PLAA: variants seen among roughly 807,000 people sequenced by gnomAD.
The protein encoded by PLAA is phospholipase A2 activating protein, also known as phospholipase A-2-activating protein.
A neutral mutation model predicts 84.1 loss-of-function variants in PLAA; 48 were observed. That is an observed-to-expected ratio of 0.57 (90% confidence interval 0.45 to 0.73). The LOEUF (loss-of-function observed/expected upper bound fraction) is 0.73, where lower values mean the gene tolerates loss of function less well. Among genes scored for constraint, PLAA ranks in the 30% least tolerant of loss-of-function variants. The probability of loss-of-function intolerance (pLI) is 0.00; values close to 1 mark genes in which losing one functional copy is unlikely to be tolerated. For synonymous variants in PLAA, 392 were observed against 336.6 expected, an observed-to-expected ratio of 1.16 and a Z score of -1.80; for missense variants, 903 against 954.7, an observed-to-expected ratio of 0.95 and a Z score of 0.71.
At chr9:26,911,328 T>C (rs1283232260) in intron 11 of PLAA, among the ~76,000 whole-genome samples, 1 of 152,182 alleles carries the variant, frequency 6.6e-6, no homozygotes, top group African/African-American at 2.4e-5. Flanking sequence ...AATTTTTGTA[T>C]TTTTAGTAGA....
At chr9:26,941,023 G>A (rs1015555007) in intron 1 of PLAA, among the ~76,000 whole-genome samples, 1 of 152,030 alleles carries the variant, frequency 6.6e-6, no homozygotes, top group African/African-American at 2.4e-5. Flanking sequence ...CTTCGGTAGT[G>A]GTCTGTGAAG....
chr9:26,905,002 A>G lies in PLAA; in HGVS notation c.*509T>C, dbSNP rs1428917298. 1 of 151,830 alleles carries G rather than the reference A, an allele frequency of 6.6e-6. No individual in the cohort carries two copies. 9.4% of individuals were successfully genotyped at this position (151,830 alleles called of 1,614,324 possible). On this transcript the variant is annotated 3_prime_UTR_variant, in exon 14 of 14. Coordinates refer to ENST00000397292, the MANE Select transcript of PLAA (RefSeq NM_001031689.3). ...ATGACAAATCAAGAAATTATCTTAT[A>G]TTGTTTTAATATATGAATTTATAAA...
In PLAA at chr9:26,905,502, T is replaced by G; in HGVS notation, c.*9A>C. 1 of 1,585,410 alleles carries G rather than the reference T, an allele frequency of 6.3e-7. No individual in the cohort carries two copies. The highest frequency in any genetic ancestry group is 8.6e-7 in the Non-Finnish European group (1 of 1,162,354). On this transcript the variant is annotated 3_prime_UTR_variant, in exon 14 of 14. Transcript: ENST00000397292. ...ATCAATTAAAAATATCCGTCCCTCT[T>G]CCCCACTGCTACAGCAAATTTAGGA...
chr9:26,918,956 T>C (rs1304527710), intron 9 of PLAA, among the ~76,000 whole-genome samples: 1 of 152,228 alleles, frequency 6.6e-6, no homozygotes, highest in African/African-American at 2.4e-5. Context: ...TTAGATTTGA[T>C]GCATGACTGA....
chr9:26,906,224 A>T lies in PLAA; in HGVS notation c.1823-148T>A. 5.9e-6 allele frequency: 3 copies of T among 512,460 alleles called. No homozygotes were observed. The South Asian group carries it at 1.2e-4, about 21-fold the overall frequency. 31.7% of individuals were successfully genotyped at this position (512,460 alleles called of 1,614,324 possible). ...TGTGTCTGCTTTAAAAAAAATGCAT[A>T]TATTTCTGAAACTTTTGTTAATTTT... On this transcript the variant is annotated intron_variant, in intron 13 of 13. Transcript: ENST00000397292.
intron 5 of PLAA, 88 bp downstream of exon 5, chr9:26,926,301 TTAAG>T (rs1246200328): frequency 1.3e-6 from 1 of 782,794 alleles, no homozygotes; most frequent in East Asian, 2.5e-5. Context: ...AGATAGTAAA[TTAAG>T]TAATCAGCTC....
chr9:26,937,002 G>T lies in PLAA; in HGVS notation c.150-1796C>A, dbSNP rs532106848. Among the ~76,000 whole-genome samples the T allele has an allele frequency of 2.0e-5, 3 of 152,166 alleles. No individual in the cohort carries two copies. In the South Asian group the frequency reaches 6.2e-4, roughly 32 times the overall value. On this transcript the variant is annotated intron_variant, in intron 1 of 13. Transcript: ENST00000397292. ...CTAAAAATACAAAAATTAGCTGGGC[G>T]TAGTGGCAGGTGCCTGTAATTCCAG...
chr9:26,906,577 G>A (rs897000973), intron 13 of PLAA, among the ~76,000 whole-genome samples: 35 of 152,038 alleles, frequency 2.3e-4, no homozygotes, highest in Admixed American at 1.9e-3. Flanking sequence ...ACAGGTGCAC[G>A]TCACCACGCC....
At chr9:26,909,965 T>A (rs1305746274) in intron 12 of PLAA, among the ~76,000 whole-genome samples, 2 of 152,226 alleles carry the variant, frequency 1.3e-5, no homozygotes, top group Non-Finnish European at 2.9e-5. Context: ...TGAACTTGTA[T>A]TATTTCTGAG....
chr9:26,929,741 T>G (rs189820108), intron 2 of PLAA, among the ~76,000 whole-genome samples: 2 of 152,314 alleles, frequency 1.3e-5, no homozygotes, highest in Admixed American at 1.3e-4. Flanking sequence ...TCCTTTTCCA[T>G]AATTGTATAT....
intron 4 of PLAA, among the ~76,000 whole-genome samples, chr9:26,927,683 T>C (rs1416115005): frequency 6.6e-6 from 1 of 152,194 alleles, no homozygotes; most frequent in African/African-American, 2.4e-5. Context: ...TTATAAACAA[T>C]GTGCTTCAAT....
chr9:26,916,618 CACATG>C (rs1251715084), intron 10 of PLAA: 7 of 989,052 alleles, frequency 7.1e-6, no homozygotes, highest in Admixed American at 1.2e-4. Flanking sequence ...TATCAGGGCT[CACATG>C]GCTCCTTCTC....
At chr9:26,912,780 G>A (rs902754019) in intron 11 of PLAA, among the ~76,000 whole-genome samples, 2 of 152,106 alleles carry the variant, frequency 1.3e-5, no homozygotes, top group African/African-American at 4.8e-5. Flanking sequence ...CAAATAAATT[G>A]TTCAAGGTCA....
chr9:26,939,830 A>T (rs1825475585), intron 1 of PLAA, among the ~76,000 whole-genome samples: 1 of 152,194 alleles, frequency 6.6e-6, no homozygotes, highest in Admixed American at 6.5e-5. Context: ...ATTAATAAAA[A>T]GTTCGGTACA....
Position 26,905,881 on chromosome 9 carries a change from T to C in PLAA, c.2018A>G (p.Gln673Arg). 6.2e-7 allele frequency: 1 copy of C among 1,614,212 alleles called. No individual in the cohort carries two copies. Among genetic ancestry groups the C allele is most frequent in the Non-Finnish European group, 8.5e-7 (1 of 1,180,044 alleles). The change falls in exon 14 of 14, where the codon CAA (glutamine) becomes CGA (arginine). Residue 673 changes from glutamine (Q) to arginine (R), a missense_variant. By Grantham distance (43) the Gln-to-Arg change is conservative. Transcript: ENST00000397292. ...FCNCFVGQAG[Q>R]KLMMSQRESL... Reference sequence around the variant, plus strand: ...TTCCCTCTGGGACATCATGAGTTTTTGTCCTGCCTGGCCAACAAAACAATT... The same window carrying C: ...TTCCCTCTGGGACATCATGAGTTTTCGTCCTGCCTGGCCAACAAAACAATT...
intron 13 of PLAA, 22 bp downstream of exon 13, chr9:26,907,812 T>G (rs367947088): frequency 5.1e-6 from 8 of 1,577,786 alleles, no homozygotes; most frequent in Non-Finnish European, 6.8e-6. Flanking sequence ...TCTGGTTACA[T>G]TTTTGAAGAG....
intron 2 of PLAA, among the ~76,000 whole-genome samples, chr9:26,931,714 A>G (rs1414492912): frequency 6.6e-6 from 1 of 152,190 alleles, no homozygotes; most frequent in African/African-American, 2.4e-5. Flanking sequence ...ATCTGGTTTT[A>G]AGCAACAAGA....
intron 1 of PLAA, among the ~76,000 whole-genome samples, chr9:26,937,686 T>G (rs1825405259): frequency 6.6e-6 from 1 of 151,838 alleles, no homozygotes; most frequent in Admixed American, 6.6e-5. Context: ...AACTGAAGTA[T>G]CAGTAAAGAG....
chr9:26,940,350 C>T lies in PLAA; in HGVS notation c.150-5144G>A, dbSNP rs141531595. On this transcript the variant is annotated intron_variant, in intron 1 of 13. Coordinates refer to ENST00000397292, the MANE Select transcript of PLAA (RefSeq NM_001031689.3). ...AGGGAAATTCTGACATATGCTACAA[C>T]ATGGAAGAACCTTGAGGACATTGTG... is the stretch of plus-strand genomic sequence containing the variant. Among the ~76,000 whole-genome samples the T allele has an allele frequency of 2.5e-3, 382 of 152,280 alleles. 2 individuals carry two copies. The highest frequency in any genetic ancestry group is 8.9e-3 in the African/African-American group (370 of 41,550).
Sources: allele counts gnomAD v4.1 joint callset (sites outside exome capture counted in the v4.1 genomes callset), GRCh38; gene constraint gnomAD v4.1.1; transcripts MANE v1.5; gene names NCBI Gene and HGNC (gene_info 2026-07-23, HGNC 2026-07-21).